PTPRN2: variants seen among roughly 807,000 people sequenced by gnomAD.
PTPRN2 encodes protein tyrosine phosphatase receptor type N2.
PTPRN2 carries 74 observed loss-of-function variants against 118.8 expected under a neutral mutation model. The ratio of observed to expected loss-of-function variants is 0.62; its 90% CI spans 0.52 to 0.76. The LOEUF (loss-of-function observed/expected upper bound fraction) is 0.76. PTPRN2 is among the 30% of genes least tolerant of loss of function. PTPRN2 has a pLI of 0.00. For synonymous variants in PTPRN2, 641 were observed against 608.0 expected (o/e 1.05, Z -0.80); for missense variants, 1,481 against 1,394.4 (o/e 1.06, Z -0.99).
In PTPRN2 at chr7:157,986,173, AT is replaced by A. The variant is rs1354688682; in HGVS notation, c.1724-87437del. 6.6e-6 allele frequency among the ~76,000 whole-genome samples: 1 copy of A among 152,168 alleles called. No individual in the cohort carries two copies. Among genetic ancestry groups the A allele is most frequent in the Non-Finnish European group, 1.5e-5 (1 of 68,042 alleles). ...CCCTCATCTACAGCCCCGCTCTCGT[AT>A]GTCCGGGGGAAGCTATGGAGAGGGT... is the stretch of plus-strand genomic sequence containing the variant. On this transcript the variant is annotated intron_variant, in intron 11 of 22. Transcript: ENST00000389418. The surrounding 1 kb of genome is among the most constrained non-coding windows in gnomAD (Gnocchi z 4.5).
intron 3 of PTPRN2, among the ~76,000 whole-genome samples, chr7:158,211,862 G>A (rs889721103): frequency 2.0e-5 from 3 of 152,130 alleles, no homozygotes; most frequent in African/African-American, 4.8e-5. Flanking sequence ...CAATCCCACT[G>A]CTAGGTTTAT....
At chr7:157,605,423 G>A (rs1314211172) in intron 15 of PTPRN2, among the ~76,000 whole-genome samples, 1 of 152,224 alleles carries the variant, frequency 6.6e-6, no homozygotes, top group Non-Finnish European at 1.5e-5. Flanking sequence ...CCAGGTCTGG[G>A]CTCCCTGAAG....
intron 21 of PTPRN2, among the ~76,000 whole-genome samples, chr7:157,566,776 C>T (rs1055626207): frequency 6.6e-6 from 1 of 152,234 alleles, no homozygotes; most frequent in African/African-American, 2.4e-5. Context: ...GTCTCGAACC[C>T]AGGACATACT....
At chr7:157,886,329 T>A (rs1295371981) in intron 12 of PTPRN2, among the ~76,000 whole-genome samples, 1 of 152,124 alleles carries the variant, frequency 6.6e-6, no homozygotes, top group Non-Finnish European at 1.5e-5. Context: ...TGCATATTTT[T>A]ATAAAAATGC....
chr7:158,033,053 G>T (rs910601983), intron 11 of PTPRN2, among the ~76,000 whole-genome samples: 1 of 152,194 alleles, frequency 6.6e-6, no homozygotes, highest in East Asian at 1.9e-4. Context: ...TCTCCCAGGT[G>T]CTGTGCTCAG....
At chr7:158,289,506 T>C (rs1264470340) in intron 3 of PTPRN2, among the ~76,000 whole-genome samples, 1 of 152,226 alleles carries the variant, frequency 6.6e-6, no homozygotes, top group African/African-American at 2.4e-5. Flanking sequence ...CTAGAATTTT[T>C]AAAAAATAAT....
chr7:157,675,791 C>T (rs552265291), intron 13 of PTPRN2, among the ~76,000 whole-genome samples: 13 of 152,270 alleles, frequency 8.5e-5, no homozygotes, highest in Admixed American at 2.6e-4. Flanking sequence ...ATCCGCATGG[C>T]GGCCCAAGAG....
chr7:158,331,838 GACAC>G (rs1804522465), intron 2 of PTPRN2, among the ~76,000 whole-genome samples: 1 of 103,562 alleles, frequency 9.7e-6, no homozygotes, highest in African/African-American at 3.6e-5. Flanking sequence ...ACCCGCAGAC[GACAC>G]TAACAACCAG....
Position 158,310,763 on chromosome 7 carries a change from G to A in PTPRN2, c.277+6056C>T, listed in dbSNP as rs1423437631. On this transcript the variant is annotated intron_variant, in intron 3 of 22. Transcript: ENST00000389418. ...GGGCAAGCCCTGAGCCGGACAGAGC[G>A]CAAGTCCCACGGAGGGCGAGCCCTG... 2.0e-5 allele frequency among the ~76,000 whole-genome samples: 3 copies of A among 147,296 alleles called. 1 individual carries two copies. The highest frequency in any genetic ancestry group is 6.7e-5 in the Admixed American group (1 of 14,934).
At chr7:157,616,185 C>T (rs1040503233) in intron 15 of PTPRN2, 2 of 155,068 alleles carry the variant, frequency 1.3e-5, no homozygotes, top group Non-Finnish European at 2.9e-5. Flanking sequence ...CACACCAGGC[C>T]AGACATCTTA....
At chr7:157,552,458 T>A (rs1798678281) in intron 21 of PTPRN2, among the ~76,000 whole-genome samples, 1 of 152,010 alleles carries the variant, frequency 6.6e-6, no homozygotes, top group Non-Finnish European at 1.5e-5. Flanking sequence ...CCCCAACTGC[T>A]GACCTCAGCG....
chr7:158,301,367 G>A (rs538059979), intron 3 of PTPRN2, among the ~76,000 whole-genome samples: 35 of 152,274 alleles, frequency 2.3e-4, no homozygotes, highest in African/African-American at 3.6e-4. Context: ...ATTAATATGC[G>A]CTCAATTGTA....
chr7:158,471,338 C>G (rs1204436537), intron 2 of PTPRN2, among the ~76,000 whole-genome samples: 1 of 152,054 alleles, frequency 6.6e-6, no homozygotes, highest in Non-Finnish European at 1.5e-5. Context: ...CTCACCCACA[C>G]ACAGCACTGC....
chr7:157,716,438 CA>C (rs1798914655), intron 12 of PTPRN2, among the ~76,000 whole-genome samples: 2 of 106,438 alleles, frequency 1.9e-5, no homozygotes, highest in South Asian at 3.1e-4. Flanking sequence ...GTAGACTCTG[CA>C]GGAACACTGC....
intron 2 of PTPRN2, among the ~76,000 whole-genome samples, chr7:158,455,952 A>C (rs113775576): frequency 5.8e-5 from 2 of 34,334 alleles, no homozygotes; most frequent in African/African-American, 1.1e-4. Context: ...TCGCTCTACA[A>C]AGAAGATAAC....
Position 158,505,985 on chromosome 7 carries a change from C to T in PTPRN2, c.113-16200G>A, listed in dbSNP as rs562408489. 4.8e-4 allele frequency among the ~76,000 whole-genome samples: 73 copies of T among 152,310 alleles called. No individual in the cohort carries two copies. In the South Asian group the frequency reaches 0.011, roughly 23 times the overall value. On this transcript the variant is annotated intron_variant, in intron 1 of 22. Coordinates refer to ENST00000389418, the MANE Select transcript of PTPRN2 (RefSeq NM_002847.5). The stretch of plus-strand genomic sequence containing the variant: ...ACAGCAGGAAGCACAGAGCCCACCG[C>T]GCGTCCTCACATGTGATGGCCGAGG...
At chr7:158,049,157 A>T (rs1030149852) in intron 11 of PTPRN2, among the ~76,000 whole-genome samples, 5 of 143,116 alleles carry the variant, frequency 3.5e-5, no homozygotes, top group African/African-American at 1.3e-4. Flanking sequence ...CATCACCATC[A>T]CCATCAATCA....
At chr7:157,911,152 G>A (rs1019459116) in intron 11 of PTPRN2, among the ~76,000 whole-genome samples, 1 of 152,212 alleles carries the variant, frequency 6.6e-6, no homozygotes, top group African/African-American at 2.4e-5. Flanking sequence ...CCGTGCTATC[G>A]TGAACGGGGG....
At chr7:158,307,105 G>T (rs1801363745) in intron 3 of PTPRN2, among the ~76,000 whole-genome samples, 1 of 152,036 alleles carries the variant, frequency 6.6e-6, no homozygotes, top group Non-Finnish European at 1.5e-5. Context: ...GACCTCAAGT[G>T]ATCCACCCGC....
Sources: allele counts gnomAD v4.1 joint callset (sites outside exome capture counted in the v4.1 genomes callset), GRCh38; gene constraint gnomAD v4.1.1; non-coding constraint Gnocchi (gnomAD v3.1); transcripts MANE v1.5; gene names NCBI Gene and HGNC (gene_info 2026-07-23, HGNC 2026-07-21).